PRKN: variants seen among roughly 807,000 people sequenced by gnomAD.
The protein encoded by PRKN is parkin RBR E3 ubiquitin protein ligase, also known as E3 ubiquitin-protein ligase parkin.
Under a neutral mutation model 59.5 loss-of-function variants are expected in PRKN, and 56 were observed. The observed-to-expected ratio is 0.94, with a 90% confidence interval of 0.76 to 1.18. PRKN has a LOEUF of 1.18. Ranked by LOEUF, PRKN falls within the 50% of genes most tolerant of loss-of-function variation. PRKN has a pLI of 0.00. For missense variants in PRKN, 657 were observed against 596.4 expected, an observed-to-expected ratio of 1.10 and a Z score of -1.06; for synonymous variants, 250 against 222.1, an observed-to-expected ratio of 1.13 and a Z score of -1.12.
At chr6:162,348,615 C>T (rs1033953326) in intron 2 of PRKN, among the ~76,000 whole-genome samples, 4 of 152,106 alleles carry the variant, frequency 2.6e-5, no homozygotes, top group Admixed American at 1.3e-4. Flanking sequence ...TGTAAAGTGT[C>T]AGACAATAAA....
intron 8 of PRKN, among the ~76,000 whole-genome samples, chr6:161,557,716 T>G (rs1274282310): frequency 6.6e-6 from 1 of 152,200 alleles, no homozygotes; most frequent in Non-Finnish European, 1.5e-5. Context: ...AGTACAGGGA[T>G]CCGAGGTAAA....
chr6:162,114,005 G>T (rs914602700), intron 4 of PRKN, among the ~76,000 whole-genome samples: 6 of 150,940 alleles, frequency 4.0e-5, no homozygotes, highest in African/African-American at 1.5e-4. Context: ...TCTCAGGTTT[G>T]TCAAAGATCA....
chr6:162,606,447 T>C (rs543582277), intron 1 of PRKN, among the ~76,000 whole-genome samples: 79 of 152,350 alleles, frequency 5.2e-4, no homozygotes, highest in African/African-American at 1.7e-3. Context: ...AGGATGGCTG[T>C]ATGGGTACTT....
chr6:162,222,772 A>G (rs1374719284), intron 3 of PRKN, among the ~76,000 whole-genome samples: 2 of 152,144 alleles, frequency 1.3e-5, no homozygotes, highest in East Asian at 3.9e-4. Context: ...CACTAGTAGT[A>G]ATTTATTACA....
intron 7 of PRKN, 92 bp downstream of exon 7, chr6:161,785,680 G>T (rs112952271): frequency 1.7e-6 from 2 of 1,189,188 alleles, no homozygotes; most frequent in East Asian, 2.4e-5. Context: ...CTTCTGCTAG[G>T]GTTTACGTAT....
At chr6:162,448,398 T>C (rs963069616) in intron 1 of PRKN, among the ~76,000 whole-genome samples, 7 of 152,138 alleles carry the variant, frequency 4.6e-5, no homozygotes, top group Non-Finnish European at 1.0e-4. Context: ...CTGGTCTCCA[T>C]TTCTTTATTT....
intron 3 of PRKN, among the ~76,000 whole-genome samples, chr6:162,241,860 G>A (rs917522372): frequency 3.9e-5 from 6 of 152,078 alleles, no homozygotes; most frequent in Middle Eastern, 3.4e-3. Context: ...CAACTTTGAT[G>A]AAGTCACTTT....
At chr6:162,057,426 C>T (rs1777911149) in intron 4 of PRKN, among the ~76,000 whole-genome samples, 1 of 151,992 alleles carries the variant, frequency 6.6e-6, no homozygotes. Flanking sequence ...CCTGACCTGC[C>T]AAGCTGTTTT....
intron 7 of PRKN, among the ~76,000 whole-genome samples, chr6:161,640,134 C>G (rs1783684967): frequency 6.6e-6 from 1 of 152,218 alleles, no homozygotes; most frequent in Non-Finnish European, 1.5e-5. Flanking sequence ...TTTCCAACCA[C>G]TTAATCCTTT....
intron 6 of PRKN, among the ~76,000 whole-genome samples, chr6:161,921,534 AC>A (rs1171557064): frequency 6.6e-6 from 1 of 152,220 alleles, no homozygotes; most frequent in African/African-American, 2.4e-5. Context: ...TTACACCAGC[AC>A]CACCACAAAC....
chr6:161,961,700 G>A (rs760392776), intron 6 of PRKN, among the ~76,000 whole-genome samples: 12 of 152,248 alleles, frequency 7.9e-5, no homozygotes, highest in Middle Eastern at 3.4e-3. Flanking sequence ...GATCAGAAAC[G>A]CAAGGTTTTA....
intron 7 of PRKN, among the ~76,000 whole-genome samples, chr6:161,573,706 C>T (rs1372000391): frequency 9.4e-6 from 1 of 106,254 alleles, no homozygotes; most frequent in African/African-American, 3.6e-5. Context: ...GGCGACAGAG[C>T]GAGACTCCGT....
chr6:162,556,139 C>T (rs560055783), intron 1 of PRKN, among the ~76,000 whole-genome samples: 2 of 152,102 alleles, frequency 1.3e-5, no homozygotes, highest in East Asian at 1.9e-4. Flanking sequence ...CTGTGTGAAG[C>T]CCCTAAGTTT....
intron 9 of PRKN, among the ~76,000 whole-genome samples, chr6:161,522,113 C>T (rs760914273): frequency 6.6e-6 from 1 of 151,992 alleles, no homozygotes; most frequent in East Asian, 1.9e-4. Flanking sequence ...CTTAAAAAGC[C>T]GAGTTGGTTT....
chr6:162,554,843 C>T (rs2846478), intron 1 of PRKN, among the ~76,000 whole-genome samples: 38,582 of 152,076 alleles, frequency 0.25, 6,045 homozygotes, highest in Non-Finnish European at 0.36. Context: ...GAGAATTTAA[C>T]AATGGGGTTT....
In PRKN at chr6:161,554,487, T is replaced by G. The variant is rs963490242; in HGVS notation, c.934-5484A>C. ...TGATGGTTGATGTTTTCCCAGTAATTTTGATTGCTTGAATCTTGTTCTCTA... is the reference window on the plus strand; with the variant it reads ...TGATGGTTGATGTTTTCCCAGTAATGTTGATTGCTTGAATCTTGTTCTCTA... On this transcript the variant is annotated intron_variant, in intron 8 of 11. Transcript: ENST00000366898. The surrounding 1 kb of genome is among the most constrained non-coding windows in gnomAD (Gnocchi z 4.5). Among the ~76,000 whole-genome samples the G allele has an allele frequency of 1.3e-5, 2 of 151,874 alleles. No homozygotes were observed. The highest frequency in any genetic ancestry group is 4.8e-5 in the African/African-American group (2 of 41,334).
At position 161,419,681 on chromosome 6, in the gene PRKN, C is replaced by T. The variant is rs888213337; in HGVS notation, c.1084-32804G>A. Among the ~76,000 whole-genome samples, 11 of 152,098 alleles carry T rather than the reference C, an allele frequency of 7.2e-5. No individual in the cohort carries two copies. The highest frequency in any genetic ancestry group is 1.6e-4 in the Non-Finnish European group (11 of 68,016). On this transcript the variant is annotated intron_variant, in intron 9 of 11. Transcript: ENST00000366898. The surrounding 1 kb of genome is among the most constrained non-coding windows in gnomAD (Gnocchi z 4.1). ...GGGATTACAGGCATGAACCACCACG[C>T]CCAGCCTCCTCTGACTTTTGTAAGG... is the stretch of plus-strand genomic sequence containing the variant.
chr6:161,868,253 C>A (rs1482949324), intron 6 of PRKN, among the ~76,000 whole-genome samples: 1 of 147,784 alleles, frequency 6.8e-6, no homozygotes, highest in Non-Finnish European at 1.5e-5. Context: ...GACGCAAGAT[C>A]CTAAAATAAG....
At chr6:161,516,301 A>G (rs1157290827) in intron 9 of PRKN, among the ~76,000 whole-genome samples, 1 of 151,442 alleles carries the variant, frequency 6.6e-6, no homozygotes, top group Non-Finnish European at 1.5e-5. Flanking sequence ...AACAAAAACA[A>G]AAACAATCCG....
Sources: allele counts gnomAD v4.1 joint callset (sites outside exome capture counted in the v4.1 genomes callset), GRCh38; gene constraint gnomAD v4.1.1; non-coding constraint Gnocchi (gnomAD v3.1); transcripts MANE v1.5; gene names NCBI Gene and HGNC (gene_info 2026-07-23, HGNC 2026-07-21).